Variants in EHBP1 observed in about 807,000 individuals in gnomAD.
EHBP1 encodes EH domain binding protein 1, also known as EH domain-binding protein 1.
Under a neutral mutation model 144.0 loss-of-function variants are expected in EHBP1, and 55 were observed. The observed-to-expected ratio is 0.38, with a 90% confidence interval of 0.31 to 0.48. The LOEUF is 0.48. EHBP1 is among the 20% of genes least tolerant of loss of function. The pLI is 0.98. For synonymous variants in EHBP1, 469 were observed against 472.7 expected (o/e 0.99, Z 0.10); for missense variants, 1,200 against 1,364.2 (o/e 0.88, Z 1.90).
At chr2:62,985,249 A>G (rs1344265226) in intron 15 of EHBP1, among the ~76,000 whole-genome samples, 1 of 152,188 alleles carries the variant, frequency 6.6e-6, no homozygotes, top group Non-Finnish European at 1.5e-5. Flanking sequence ...TGTCACGTGC[A>G]TAGGGCTGTC....
upstream of EHBP1, among the ~76,000 whole-genome samples, chr2:62,705,002 A>G (rs2034412473): frequency 1.3e-5 from 2 of 152,064 alleles, no homozygotes; most frequent in African/African-American, 4.8e-5. Flanking sequence ...AATGTTGAAG[A>G]CTCCGAACAA....
intron 7 of EHBP1, among the ~76,000 whole-genome samples, chr2:62,856,583 C>G (rs938289259): frequency 3.9e-5 from 6 of 152,234 alleles, no homozygotes; most frequent in Non-Finnish European, 4.4e-5. Context: ...TAGCGTGAGC[C>G]AAGTGCAGCA....
chr2:63,022,005 A>G (rs2060774686), intron 19 of EHBP1, among the ~76,000 whole-genome samples: 1 of 152,000 alleles, frequency 6.6e-6, no homozygotes, highest in Non-Finnish European at 1.5e-5. Flanking sequence ...TGACTTCGTT[A>G]TCCGCCCACC....
rs57039974 is a variant in EHBP1 at position 62,820,737 on chromosome 2, A to AATATATATAT, written c.313-5315_313-5306dup. Among the ~76,000 whole-genome samples the AATATATATAT allele has an allele frequency of 5.9e-3, 320 of 54,620 alleles. 15 individuals are homozygous for AATATATATAT. The highest frequency in any genetic ancestry group is 0.016 in the Middle Eastern group (1 of 62). 35.8% of individuals were successfully genotyped at this position (54,620 alleles called of 152,430 possible). A position where few individuals can be genotyped will look rare whatever the true frequency, so the allele number is the denominator to read the frequency against. ...TGTGTGTGTGTGTGTGTGTGTGTAT[A>AATATATATAT]ATATATATATATATATATATATATA... On this transcript the variant is annotated intron_variant, in intron 5 of 22. Transcript: ENST00000431489.
intron 5 of EHBP1, among the ~76,000 whole-genome samples, chr2:62,809,398 T>C (rs2044789522): frequency 6.6e-6 from 1 of 150,832 alleles, no homozygotes; most frequent in African/African-American, 2.4e-5. Flanking sequence ...AATTTTCTAC[T>C]GTGGTTACTG....
At chr2:62,984,315 G>T (rs1389069907) in intron 15 of EHBP1, among the ~76,000 whole-genome samples, 1 of 151,964 alleles carries the variant, frequency 6.6e-6, no homozygotes, top group African/African-American at 2.4e-5. Flanking sequence ...CACACGGTTG[G>T]GTTATCTATT....
intron 15 of EHBP1, among the ~76,000 whole-genome samples, chr2:62,986,055 A>G (rs2059175789): frequency 6.6e-6 from 1 of 152,168 alleles, no homozygotes; most frequent in Admixed American, 6.5e-5. Context: ...ATATTCAGTA[A>G]TCATCAGTGG....
At chr2:62,871,427 G>A (rs1383713382) in intron 9 of EHBP1, among the ~76,000 whole-genome samples, 3 of 152,184 alleles carry the variant, frequency 2.0e-5, no homozygotes, top group African/African-American at 7.2e-5. Context: ...GAGGGAGCCT[G>A]TAAATACTCT....
At chr2:62,997,427 C>CGTGTGTGTGTGT (rs748541351) in intron 19 of EHBP1, among the ~76,000 whole-genome samples, 4 of 139,870 alleles carry the variant, frequency 2.9e-5, no homozygotes, top group East Asian at 2.2e-4. Flanking sequence ...GAAAGGAACT[C>CGTGTGTGTGTGT]ATGTGTGTGT....
intron 13 of EHBP1, among the ~76,000 whole-genome samples, chr2:62,952,990 G>A (rs555834156): frequency 1.3e-5 from 2 of 151,864 alleles, no homozygotes; most frequent in South Asian, 4.2e-4. Context: ...AGGCCAAGGC[G>A]GGTGGATCAC....
chr2:62,980,479 A>G (rs1161186877), intron 15 of EHBP1, among the ~76,000 whole-genome samples: 2 of 152,220 alleles, frequency 1.3e-5, no homozygotes, highest in Non-Finnish European at 2.9e-5. Flanking sequence ...AACAAAGGTA[A>G]GCTATTTCTA....
intron 10 of EHBP1, among the ~76,000 whole-genome samples, chr2:62,925,213 A>G (rs1253678364): frequency 1.3e-5 from 2 of 152,216 alleles, no homozygotes; most frequent in Non-Finnish European, 2.9e-5. Context: ...ACCTAAATAT[A>G]TAAAGGCCAC....
chr2:62,760,606 ACT>A (rs1195261022), intron 3 of EHBP1, among the ~76,000 whole-genome samples: 2 of 152,030 alleles, frequency 1.3e-5, no homozygotes, highest in Non-Finnish European at 2.9e-5. Flanking sequence ...TCATCTCCTA[ACT>A]CTGCCCAGTT....
chr2:62,913,346 A>G (rs2054365633), intron 10 of EHBP1, among the ~76,000 whole-genome samples: 1 of 152,318 alleles, frequency 6.6e-6, no homozygotes, highest in South Asian at 2.1e-4. Context: ...ATTATATCTC[A>G]TATTGAAGTT....
intron 10 of EHBP1, among the ~76,000 whole-genome samples, chr2:62,893,172 A>G (rs1172081816): frequency 6.6e-6 from 1 of 152,256 alleles, no homozygotes; most frequent in African/African-American, 2.4e-5. Context: ...TGAACAATAT[A>G]TGGCTTGCCA....
At chr2:62,947,030 A>G (rs960154911) in intron 12 of EHBP1, among the ~76,000 whole-genome samples, 3 of 152,168 alleles carry the variant, frequency 2.0e-5, no homozygotes. Context: ...GCTTTCCCTG[A>G]TGGCCTGCAA....
chr2:62,859,013 C>T (rs1351746843), intron 7 of EHBP1, among the ~76,000 whole-genome samples, 156 bp from the exon 8 acceptor site: 1 of 152,108 alleles, frequency 6.6e-6, no homozygotes, highest in Non-Finnish European at 1.5e-5. Flanking sequence ...TGGTATGCTA[C>T]AAAATACTTG....
Position 63,045,043 on chromosome 2 carries a change from A to T in EHBP1, c.3278-23A>T. 6.6e-7 allele frequency: 1 copy of T among 1,524,396 alleles called. No individual in the cohort carries two copies. Among genetic ancestry groups the T allele is most frequent in the Non-Finnish European group, 8.9e-7 (1 of 1,123,610 alleles). The allele number at this position is 1,524,396 out of a possible 1,614,324, so 94.4% of individuals were successfully genotyped here. A position where few individuals can be genotyped will look rare whatever the true frequency, so the allele number is the denominator to read the frequency against. ...GTGTTCGGAGGCCCTGCCGGTGGGT[A>T]ACTAGCCTCCCGTCTTCTGCAGACT... On this transcript the variant is annotated intron_variant, in intron 21 of 22. Transcript: ENST00000431489. The surrounding 1 kb of genome is among the most constrained non-coding windows in gnomAD (Gnocchi z 5.7).
At chr2:62,714,888 C>T (rs866958267) in intron 2 of EHBP1, among the ~76,000 whole-genome samples, 1 of 152,114 alleles carries the variant, frequency 6.6e-6, no homozygotes, top group Admixed American at 6.5e-5. Flanking sequence ...TTTGACAATA[C>T]TTTGACTTTT....
Sources: gnomAD v4.1 joint callset for allele counts (sites outside exome capture counted in the v4.1 genomes callset) on GRCh38, gnomAD v4.1.1 for gene constraint, Gnocchi (gnomAD v3.1) non-coding constraint, MANE v1.5 for transcripts, NCBI Gene and HGNC (gene_info 2026-07-23, HGNC 2026-07-21) for gene names.